Variants in RDH12 observed in about 807,000 individuals in gnomAD.
The protein encoded by RDH12 is all-trans and 9-cis retinol dehydrogenase.
Under a neutral mutation model 34.0 loss-of-function variants are expected in RDH12, and 21 were observed. The observed-to-expected ratio is 0.62, with a 90% CI of 0.44 to 0.89. The LOEUF (loss-of-function observed/expected upper bound fraction) is 0.89. Ranked by LOEUF, RDH12 falls within the 40% of genes least tolerant of loss-of-function variation. RDH12 has a pLI of 0.00. For synonymous variants in RDH12, 198 were observed against 169.9 expected, an observed-to-expected ratio of 1.17 and a Z score of -1.29; for missense variants, 394 against 398.6, an observed-to-expected ratio of 0.99 and a Z score of 0.10.
At chr14:67,726,273 T>A in intron 6 of RDH12, 118 bp downstream of exon 6, 1 of 745,234 alleles carries the variant, frequency 1.3e-6, no homozygotes, top group African/African-American at 1.7e-5. Flanking sequence ...GGAATTCCAA[T>A]AGACTAGACC....
In RDH12 at chr14:67,727,340, G is replaced by A. The variant is rs2038199902; in HGVS notation, c.658+150G>A. ...TGAAATTATGAATGGAATAAAAACA[G>A]AGTGCTTGCCCCCAGGGAGCTTAAA... is the stretch of plus-strand genomic sequence containing the variant. On this transcript the variant is annotated intron_variant, in intron 7 of 8. Transcript: ENST00000551171. 8.2e-6 allele frequency: 6 copies of A among 727,370 alleles called. No individual in the cohort carries two copies. The South Asian group carries it at 9.3e-5, about 11-fold the overall frequency. The allele number at this position is 727,370 out of a possible 1,614,324, so 45.1% of individuals were successfully genotyped here. A position where few individuals can be genotyped will look rare whatever the true frequency, so the allele number is the denominator to read the frequency against.
At chr14:67,727,244 T>C (rs1239014586) in intron 7 of RDH12, 54 bp downstream of exon 7, 4 of 1,425,146 alleles carry the variant, frequency 2.8e-6, no homozygotes, top group East Asian at 2.4e-5. Flanking sequence ...AAATTAGAGG[T>C]CCACAGCAAC....
At chr14:67,726,700 C>T (rs939649563) in intron 6 of RDH12, among the ~76,000 whole-genome samples, 32 of 152,254 alleles carry the variant, frequency 2.1e-4, no homozygotes, top group African/African-American at 5.8e-4. Context: ...CCTAGTTATG[C>T]GATCATGGCC....
At chr14:67,706,707 AT>A (rs1315921127) in intron 1 of RDH12, among the ~76,000 whole-genome samples, 1 of 152,032 alleles carries the variant, frequency 6.6e-6, no homozygotes, top group Non-Finnish European at 1.5e-5. Flanking sequence ...CCCAGCTTGA[AT>A]TTTCCCTTTG....
At chr14:67,721,496 C>T (rs893322292) in intron 2 of RDH12, among the ~76,000 whole-genome samples, 8 of 152,094 alleles carry the variant, frequency 5.3e-5, no homozygotes, top group Non-Finnish European at 1.2e-4. Context: ...ATCCCCCTAC[C>T]TTGGGCTCTT....
At chr14:67,725,017 C>T (rs1566846842) in intron 4 of RDH12, 82 bp from the exon 5 acceptor site, 11 of 1,466,044 alleles carry the variant, frequency 7.5e-6, no homozygotes, top group Non-Finnish European at 8.6e-6. Context: ...AATGCTCTGT[C>T]CCCCAGTCCC....
chr14:67,721,907 G>C (rs916678126), intron 2 of RDH12, among the ~76,000 whole-genome samples: 13 of 152,116 alleles, frequency 8.5e-5, no homozygotes, highest in African/African-American at 2.9e-4. Flanking sequence ...TAGAGTCCAT[G>C]CACTTAAACA....
At chr14:67,709,012 C>T (rs940401480) in intron 1 of RDH12, among the ~76,000 whole-genome samples, 9 of 152,128 alleles carry the variant, frequency 5.9e-5, no homozygotes, top group African/African-American at 1.4e-4. Flanking sequence ...AGGATGGTCT[C>T]GATCTTTTGA....
intron 5 of RDH12, 92 bp from the exon 6 acceptor site, chr14:67,725,959 T>A (rs772075301): frequency 2.0e-4 from 177 of 876,422 alleles, no homozygotes; most frequent in Non-Finnish European, 4.1e-5. Context: ...AGACAACTAA[T>A]GAACAAAGGG....
rs769407623 is a variant in RDH12, at chr14:67,724,528, G to A, written c.124G>A (p.Val42Met). 6.2e-7 allele frequency: 1 copy of A among 1,613,896 alleles called. No individual in the cohort carries two copies. The highest frequency in any genetic ancestry group is 8.5e-7 in the Non-Finnish European group (1 of 1,179,876). ...AAATGTGCAGCTTCCTGGCAAGGTA[G>A]TGGTGATCACTGGCGCCAACACGGG... ...RTNVQLPGKVVVITGANTGIG... is the reference protein window; with the variant it reads ...RTNVQLPGKVMVITGANTGIG... Residue 42 changes from valine (V) to methionine (M), a missense_variant, in exon 4 of 9, where the codon GTG (valine) becomes ATG (methionine). By Grantham distance (21) the Val-to-Met change is conservative. Transcript: ENST00000551171.
intron 8 of RDH12, among the ~76,000 whole-genome samples, chr14:67,730,849 C>T (rs1484084353): frequency 1.2e-4 from 19 of 152,180 alleles, no homozygotes; most frequent in Admixed American, 1.2e-3. Flanking sequence ...GTTGATCCAC[C>T]TGCCTTGGCC....
chr14:67,727,395 T>G, intron 7 of RDH12: 1 of 579,790 alleles, frequency 1.7e-6, no homozygotes, highest in Non-Finnish European at 3.1e-6. Context: ...CCTCAAAAAG[T>G]TACCTTGTAT....
At chr14:67,713,298 C>T (rs1343509179) in intron 1 of RDH12, among the ~76,000 whole-genome samples, 1 of 150,624 alleles carries the variant, frequency 6.6e-6, no homozygotes, top group African/African-American at 2.4e-5. Flanking sequence ...CTCATTTTCC[C>T]TATTGGAAGT....
intron 1 of RDH12, among the ~76,000 whole-genome samples, chr14:67,711,303 C>T (rs1174051843): frequency 6.6e-6 from 1 of 152,128 alleles, no homozygotes; most frequent in East Asian, 1.9e-4. Flanking sequence ...AATTTTGACA[C>T]CTTATAGTGT....
In RDH12 at chr14:67,724,551, G is replaced by A. The variant is rs750704865; in HGVS notation, c.147G>A (p.Thr49=). The part of the protein sequence containing the change: ...GKVVVITGAN[T]GIGKETAREL... Reference sequence around the variant, plus strand: ...TAGTGGTGATCACTGGCGCCAACACGGGCATTGGCAAGGAGACGGCCAGAG... The same window carrying A: ...TAGTGGTGATCACTGGCGCCAACACAGGCATTGGCAAGGAGACGGCCAGAG... The change falls in exon 4 of 9, where the codon ACG becomes ACA. Residue 49 remains threonine (T), a synonymous_variant. Transcript: ENST00000551171. The A allele has an allele frequency of 5.6e-6, 9 of 1,613,770 alleles. No individual in the cohort carries two copies. The highest frequency in any genetic ancestry group is 2.2e-5 in the East Asian group (1 of 44,884).
chr14:67,723,465 G>T (rs2038148479), intron 3 of RDH12, among the ~76,000 whole-genome samples: 1 of 152,140 alleles, frequency 6.6e-6, no homozygotes, highest in South Asian at 2.1e-4. Context: ...AAACTCCTGG[G>T]CTTAAGCGAC....
rs371433855 is a variant in RDH12, at chr14:67,724,053, G to A, written c.69-420G>A. ...ACCCCCCACAGAGTGCTGTTCATCA[G>A]TTACTCATGATGATGGTTACTGAAT... On this transcript the variant is annotated intron_variant, in intron 3 of 8. Coordinates refer to ENST00000551171, the MANE Select transcript of RDH12 (RefSeq NM_152443.3). 3.9e-5 allele frequency among the ~76,000 whole-genome samples: 6 copies of A among 152,352 alleles called. No homozygotes were observed. In the East Asian group the frequency reaches 5.8e-4, roughly 15 times the overall value.
intron 7 of RDH12, among the ~76,000 whole-genome samples, chr14:67,728,469 T>C (rs990863009): frequency 1.3e-5 from 2 of 152,196 alleles, no homozygotes; most frequent in Non-Finnish European, 2.9e-5. Context: ...TCCATGTTTT[T>C]AACTTTACAT....
intron 1 of RDH12, among the ~76,000 whole-genome samples, chr14:67,715,717 TACTC>T (rs1370674939): frequency 6.6e-6 from 1 of 152,232 alleles, no homozygotes; most frequent in Non-Finnish European, 1.5e-5. Context: ...AATTTTGCAA[TACTC>T]ACGAAGTTGC....
Sources: gnomAD v4.1 joint callset for allele counts (sites outside exome capture counted in the v4.1 genomes callset) on GRCh38, gnomAD v4.1.1 for gene constraint, MANE v1.5 for transcripts, NCBI Gene and HGNC (gene_info 2026-07-23, HGNC 2026-07-21) for gene names.